Variants in TLN2 observed in about 807,000 individuals in gnomAD.
The protein encoded by TLN2 is talin-2.
A neutral mutation model predicts 294.7 loss-of-function variants in TLN2; 118 were observed. The ratio of observed to expected loss-of-function variants is 0.40; its 90% CI spans 0.34 to 0.47. The LOEUF is 0.47. Ranked by LOEUF, TLN2 falls within the 20% of genes least tolerant of loss-of-function variation. The probability of loss-of-function intolerance (pLI) is 0.84; values close to 1 mark genes in which losing one functional copy is unlikely to be tolerated. For synonymous variants in TLN2, 1,431 were observed against 1,304.5 expected, an observed-to-expected ratio of 1.10 and a Z score of -2.09; for missense variants, 3,083 against 3,282.2, an observed-to-expected ratio of 0.94 and a Z score of 1.48.
rs1182006981 is a variant in TLN2 at position 62,481,454 on chromosome 15, T to C, written c.-238+90769T>C. Among the ~76,000 whole-genome samples the C allele has an allele frequency of 4.6e-5, 7 of 152,200 alleles. No homozygotes were observed. In the East Asian group the frequency reaches 1.3e-3, roughly 29 times the overall value. On this transcript the variant is annotated intron_variant, in intron 1 of 58. Transcript: ENST00000636159. ...CCCAGCTCACTGCAGTCGCGAACTC[T>C]TAGGCACAAACGATTGTCCTGCCTC... is the stretch of plus-strand genomic sequence containing the variant.
chr15:62,817,715 A>G (rs1788509671), intron 52 of TLN2, among the ~76,000 whole-genome samples: 2 of 152,080 alleles, frequency 1.3e-5, no homozygotes, highest in South Asian at 4.2e-4. Context: ...GGGCAGGGGA[A>G]AGGAGTGTGG....
chr15:62,632,726 T>G (rs1018407964), intron 3 of TLN2, among the ~76,000 whole-genome samples: 1 of 152,212 alleles, frequency 6.6e-6, no homozygotes, highest in African/African-American at 2.4e-5. Context: ...AGGCTCAGAA[T>G]CTGAACCTTA....
rs2041363869 is a variant in TLN2, at chr15:62,536,558, C to G, written c.-237-53129C>G. On this transcript the variant is annotated intron_variant, in intron 1 of 58. Transcript: ENST00000636159. ...CTACCTGCAGTGGAATCCTGCCGAT[C>G]TTGACAGCACGTGTGTTTTGTCTGT... is the stretch of plus-strand genomic sequence containing the variant. Among the ~76,000 whole-genome samples the G allele has an allele frequency of 2.6e-5, 4 of 152,168 alleles. No homozygotes were observed. The South Asian group carries it at 8.3e-4, about 32-fold the overall frequency.
intron 1 of TLN2, among the ~76,000 whole-genome samples, chr15:62,475,230 G>A (rs1356853464): frequency 6.6e-6 from 1 of 152,130 alleles, no homozygotes; most frequent in Admixed American, 6.5e-5. Flanking sequence ...ATTTCTTCAA[G>A]TTAAGAAAAT....
intron 1 of TLN2, among the ~76,000 whole-genome samples, chr15:62,551,827 GTCT>G (rs1318685994): frequency 1.3e-5 from 2 of 152,194 alleles, no homozygotes; most frequent in Admixed American, 6.5e-5. Context: ...ACTGCTTTGT[GTCT>G]TACATTGCAT....
intron 51 of TLN2, among the ~76,000 whole-genome samples, chr15:62,809,046 T>C (rs1180575351): frequency 6.6e-6 from 1 of 152,222 alleles, no homozygotes; most frequent in Non-Finnish European, 1.5e-5. Context: ...AGTGTATTTG[T>C]AGTTTTATGT....
At chr15:62,421,224 G>A (rs991647300) in intron 1 of TLN2, among the ~76,000 whole-genome samples, 9 of 152,124 alleles carry the variant, frequency 5.9e-5, no homozygotes, top group Admixed American at 3.9e-4. Context: ...TGGGAACAAC[G>A]GGGTTTCACC....
intron 1 of TLN2, among the ~76,000 whole-genome samples, chr15:62,449,278 T>C (rs1374646402): frequency 6.6e-6 from 1 of 152,098 alleles, no homozygotes; most frequent in Non-Finnish European, 1.5e-5. Flanking sequence ...TCTTGAAAAG[T>C]CTTCTGCATG....
At chr15:62,825,213 CA>C (rs1311919590) in intron 54 of TLN2, among the ~76,000 whole-genome samples, 1 of 152,214 alleles carries the variant, frequency 6.6e-6, no homozygotes, top group East Asian at 1.9e-4. Flanking sequence ...CTCCTTCACA[CA>C]GCTAGAGAAC....
chr15:62,639,525 A>T (rs1308247030), intron 3 of TLN2, among the ~76,000 whole-genome samples: 2 of 152,230 alleles, frequency 1.3e-5, no homozygotes, highest in African/African-American at 4.8e-5. Flanking sequence ...TCTTGCCTCC[A>T]TAAGGGAGAA....
At chr15:62,759,171 C>A (rs1253109178) in intron 37 of TLN2, among the ~76,000 whole-genome samples, 1 of 152,202 alleles carries the variant, frequency 6.6e-6, no homozygotes, top group African/African-American at 2.4e-5. Flanking sequence ...CACCACTGGG[C>A]AGCTTTGAGT....
In TLN2 at chr15:62,529,281, A is replaced by G. The variant is rs537374862; in HGVS notation, c.-237-60406A>G. Among the ~76,000 whole-genome samples the G allele has an allele frequency of 1.9e-4, 29 of 152,204 alleles. No homozygotes were observed. In the South Asian group the frequency reaches 5.4e-3, roughly 28 times the overall value. On this transcript the variant is annotated intron_variant, in intron 1 of 58. Transcript: ENST00000636159. Reference sequence around the variant, plus strand: ...GCTAATTAAAAAAAATTTTTTTTGTAGAGACCGGGTCTGTGTTGCCAGGGC... The same window carrying G: ...GCTAATTAAAAAAAATTTTTTTTGTGGAGACCGGGTCTGTGTTGCCAGGGC...
intron 1 of TLN2, among the ~76,000 whole-genome samples, chr15:62,476,897 T>C (rs981300208): frequency 1.3e-5 from 2 of 152,180 alleles, no homozygotes; most frequent in Non-Finnish European, 2.9e-5. Flanking sequence ...GACTACCTTG[T>C]TTCAATGTCT....
chr15:62,833,831 C>A lies in TLN2; in HGVS notation c.7128+202C>A, dbSNP rs1394842101. The A allele has an allele frequency of 5.0e-6, 3 of 600,148 alleles. No homozygotes were observed. The African/African-American group carries it at 5.6e-5, about 11-fold the overall frequency. The allele number at this position is 600,148 out of a possible 1,614,324, so 37.2% of individuals were successfully genotyped here. ...TAAGAGGTTTGGCTTCTGGGCCTCT[C>A]ATCTGCTTCTTGTTAAGGAAAGCAT... is the stretch of plus-strand genomic sequence containing the variant. On this transcript the variant is annotated intron_variant, in intron 55 of 58. Coordinates refer to ENST00000636159, the MANE Select transcript of TLN2 (RefSeq NM_015059.3).
intron 51 of TLN2, among the ~76,000 whole-genome samples, chr15:62,809,293 A>G (rs1206465667): frequency 6.6e-6 from 1 of 152,202 alleles, no homozygotes; most frequent in Non-Finnish European, 1.5e-5. Context: ...TAAGTACAAG[A>G]AAAAAGCTCA....
intron 1 of TLN2, among the ~76,000 whole-genome samples, chr15:62,574,378 C>T (rs969177569): frequency 2.6e-5 from 4 of 151,400 alleles, no homozygotes; most frequent in African/African-American, 9.7e-5. Context: ...GAGTTTAAGA[C>T]CAGCCCAAGC....
chr15:62,420,366 T>C (rs1221843582), intron 1 of TLN2, among the ~76,000 whole-genome samples: 1 of 152,186 alleles, frequency 6.6e-6, no homozygotes, highest in African/African-American at 2.4e-5. Context: ...GAAAACATTC[T>C]TGGAGCACCC....
intron 1 of TLN2, among the ~76,000 whole-genome samples, chr15:62,423,699 G>A (rs1463442821): frequency 6.6e-6 from 1 of 151,888 alleles, no homozygotes; most frequent in African/African-American, 2.4e-5. Flanking sequence ...TTGTGCCTCA[G>A]CCTCCCAAGT....
chr15:62,769,469 T>C (rs1553104), intron 41 of TLN2, among the ~76,000 whole-genome samples: 149,568 of 152,256 alleles, frequency 0.98, 73,514 homozygotes, highest in Middle Eastern at 1. Flanking sequence ...TAAAATTCAT[T>C]CAAAGGCTCC....
Sources: allele counts gnomAD v4.1 joint callset (sites outside exome capture counted in the v4.1 genomes callset), GRCh38; gene constraint gnomAD v4.1.1; transcripts MANE v1.5; gene names NCBI Gene and HGNC (gene_info 2026-07-23, HGNC 2026-07-21).